COLEC10: variants seen among roughly 807,000 people sequenced by gnomAD.
COLEC10 encodes collectin-10.
In COLEC10, 22 loss-of-function variants were observed where a neutral mutation model predicts 28.4. The ratio of observed to expected loss-of-function variants is 0.78; its 90% CI spans 0.55 to 1.11. COLEC10 has a LOEUF of 1.11. COLEC10 is among the 50% of genes least tolerant of loss of function. COLEC10 has a pLI of 0.00. For synonymous variants in COLEC10, 125 were observed against 116.1 expected, an observed-to-expected ratio of 1.08 and a Z score of -0.49; for missense variants, 361 against 344.1, an observed-to-expected ratio of 1.05 and a Z score of -0.39.
chr8:119,103,791 A>T lies in COLEC10; in HGVS notation c.347-9A>T. On this transcript the variant is annotated splice_polypyrimidine_tract_variant and intron_variant, in intron 4 of 5. Coordinates refer to ENST00000332843, the MANE Select transcript of COLEC10 (RefSeq NM_006438.5). The stretch of plus-strand genomic sequence containing the variant: ...TCAACATGAATTCACAGTTTTTGTC[A>T]TTTAAAAGGTACTGTCTGTGATTGT... 6.3e-7 allele frequency: 1 copy of T among 1,581,970 alleles called. No homozygotes were observed.
At chr8:119,082,496 C>A (rs989569239) in intron 1 of COLEC10, among the ~76,000 whole-genome samples, 6 of 152,194 alleles carry the variant, frequency 3.9e-5, no homozygotes, top group Non-Finnish European at 7.3e-5. Context: ...AGTCTATCAT[C>A]CCTGACCTGT....
At chr8:119,056,007 T>G (rs535219415) in intron 2 of COLEC10, among the ~76,000 whole-genome samples, 2 of 152,244 alleles carry the variant, frequency 1.3e-5, no homozygotes, top group South Asian at 4.1e-4. Flanking sequence ...TCAATTCATC[T>G]ACTTCTCCTC....
upstream of COLEC10, among the ~76,000 whole-genome samples, chr8:118,994,975 C>T (rs1315777196): frequency 6.6e-6 from 1 of 152,062 alleles, no homozygotes; most frequent in East Asian, 1.9e-4. Flanking sequence ...TAATTCAATT[C>T]AATGTGGGCA....
chr8:119,086,914 G>A (rs1815491303), intron 1 of COLEC10, among the ~76,000 whole-genome samples: 1 of 152,198 alleles, frequency 6.6e-6, no homozygotes, highest in Non-Finnish European at 1.5e-5. Context: ...TTCAGAACAT[G>A]GGCTAGGAGG....
intron 2 of COLEC10, among the ~76,000 whole-genome samples, chr8:119,051,200 T>A (rs912415591): frequency 6.6e-6 from 1 of 152,154 alleles, no homozygotes; most frequent in African/African-American, 2.4e-5. Context: ...ATTGAATAAA[T>A]AAAAGCATGA....
chr8:118,999,823 G>A (rs1813658291), intron 1 of COLEC10, among the ~76,000 whole-genome samples: 1 of 152,116 alleles, frequency 6.6e-6, no homozygotes, highest in Non-Finnish European at 1.5e-5. Flanking sequence ...AGTAATTTCA[G>A]TTAACAACAG....
intron 2 of COLEC10, among the ~76,000 whole-genome samples, chr8:119,023,254 A>G (rs4615609): frequency 0.58 from 88,724 of 151,960 alleles, 26,577 homozygotes; most frequent in African/African-American, 0.72. Context: ...TTTACTATTT[A>G]TTGTTCATCC....
chr8:118,997,487 C>T (rs1813609431), intron 1 of COLEC10, among the ~76,000 whole-genome samples: 1 of 152,160 alleles, frequency 6.6e-6, no homozygotes, highest in Non-Finnish European at 1.5e-5. Flanking sequence ...GTTTTGTTCA[C>T]AAATACTTAA....
At chr8:118,979,231 C>T in the COLEC10 span, among the ~76,000 whole-genome samples, 3 of 151,900 alleles carry the variant, frequency 2.0e-5, no homozygotes, top group African/African-American at 7.2e-5. Context: ...TATGAAACAG[C>T]TCATTGAAGC....
In COLEC10 at chr8:119,049,401, C is replaced by CTTTTTTTTTTTTTTTTT. The variant is rs34885340; in HGVS notation, n.235+39863_235+39879dup. ...TGATGAAGCATAGGTATTTTCTTTT[C>CTTTTTTTTTTTTTTTTT]TTTTTTTTTTTTTTTTTTTTTTTTT... On this transcript the variant is annotated intron_variant and non_coding_transcript_variant, in intron 2 of 6. Transcript: ENST00000521788. Among the ~76,000 whole-genome samples the CTTTTTTTTTTTTTTTTT allele has an allele frequency of 3.3e-5, 2 of 60,072 alleles. 1 individual carries two copies. Among genetic ancestry groups the CTTTTTTTTTTTTTTTTT allele is most frequent in the Admixed American group, 4.8e-4 (2 of 4,208 alleles). 39.4% of individuals were successfully genotyped at this position (60,072 alleles called of 152,430 possible).
chr8:119,089,156 T>G (rs971607984), intron 1 of COLEC10, among the ~76,000 whole-genome samples: 1 of 152,200 alleles, frequency 6.6e-6, no homozygotes, highest in African/African-American at 2.4e-5. Context: ...CTTTAATTCT[T>G]CAAGGTGCTG....
upstream of COLEC10, among the ~76,000 whole-genome samples, chr8:118,993,838 G>A (rs1813545431): frequency 6.6e-6 from 1 of 152,080 alleles, no homozygotes; most frequent in Non-Finnish European, 1.5e-5. Flanking sequence ...ATGAATTTTG[G>A]GGTACTTAAT....
intron 1 of COLEC10, among the ~76,000 whole-genome samples, chr8:119,068,963 ATAAAT>A (rs1254392592): frequency 2.0e-5 from 3 of 151,836 alleles, no homozygotes; most frequent in Non-Finnish European, 4.4e-5. Context: ...TCTTAATAAA[ATAAAT>A]TCTTAATAAA....
At chr8:119,078,990 TACACACACACACACAC>T (rs59453751) in intron 1 of COLEC10, among the ~76,000 whole-genome samples, 2,185 of 143,080 alleles carry the variant, frequency 0.015, 41 homozygotes, top group African/African-American at 0.039. Context: ...TGGGAAAACG[TACACACACACACACAC>T]ACACACACAC....
chr8:119,085,610 T>C (rs939491819), intron 1 of COLEC10, among the ~76,000 whole-genome samples: 8 of 105,780 alleles, frequency 7.6e-5, no homozygotes, highest in African/African-American at 1.9e-4. Flanking sequence ...TTTTTTTTTT[T>C]TTTTTTTTTT....
chr8:119,073,219 C>G (rs1466438242), intron 1 of COLEC10, among the ~76,000 whole-genome samples: 1 of 152,212 alleles, frequency 6.6e-6, no homozygotes, highest in Non-Finnish European at 1.5e-5. Flanking sequence ...AAATCAGATT[C>G]CAGATTTTTG....
the COLEC10 span, among the ~76,000 whole-genome samples, chr8:118,980,067 A>C: frequency 6.6e-5 from 10 of 152,214 alleles, no homozygotes; most frequent in Non-Finnish European, 1.5e-4. Flanking sequence ...TAATTTCAGA[A>C]GTCATATAAT....
chr8:119,087,451 T>C (rs886934436), intron 1 of COLEC10, among the ~76,000 whole-genome samples: 1 of 152,124 alleles, frequency 6.6e-6, no homozygotes, highest in Non-Finnish European at 1.5e-5. Context: ...GGAAAAAAAG[T>C]GTAATTTTTG....
intron 2 of COLEC10, among the ~76,000 whole-genome samples, chr8:119,024,874 A>T (rs1298185255): frequency 6.6e-6 from 1 of 152,184 alleles, no homozygotes; most frequent in Admixed American, 6.5e-5. Context: ...TTCAAAGGCA[A>T]TTGAAAGGGG....
Sources: gnomAD v4.1 joint callset for allele counts (sites outside exome capture counted in the v4.1 genomes callset) on GRCh38, gnomAD v4.1.1 for gene constraint, MANE v1.5 for transcripts, NCBI Gene and HGNC (gene_info 2026-07-23, HGNC 2026-07-21) for gene names.